CAV1: variants seen among roughly 807,000 people sequenced by gnomAD.
The protein encoded by CAV1 is caveolin 1.
A neutral mutation model predicts 16.5 loss-of-function variants in CAV1; 10 were observed. That is an observed-to-expected ratio of 0.61 (90% CI 0.37 to 1.03). The LOEUF is 1.03. Ranked by LOEUF, CAV1 falls within the 50% of genes least tolerant of loss-of-function variation. The pLI, the probability that CAV1 is intolerant of heterozygous loss-of-function variation, is 0.01. For synonymous variants in CAV1, 76 were observed against 85.1 expected (o/e 0.89, Z 0.59); for missense variants, 212 against 232.8 (o/e 0.91, Z 0.58).
chr7:116,526,856 C>A, intron 2 of CAV1, 167 bp downstream of exon 2: 2 of 724,346 alleles, frequency 2.8e-6, no homozygotes, highest in Non-Finnish European at 4.7e-6. Context: ...GGAGCTCCCG[C>A]AGTCGGCAGA....
At position 116,555,560 on chromosome 7, in the gene CAV1, GAA is replaced by G. The variant is rs564106615; in HGVS notation, c.196-3384_196-3383del. On this transcript the variant is annotated intron_variant, in intron 2 of 2. Coordinates refer to ENST00000341049, the MANE Select transcript of CAV1 (RefSeq NM_001753.5). ...AGAGAGAGAGAAAGAAAGAAAGAAA[GAA>G]AGAAAGAAAGAAAGAAAGAAAGAAA... Among the ~76,000 whole-genome samples the G allele has an allele frequency of 3.1e-3, 141 of 46,052 alleles. 7 individuals are homozygous for G. Among genetic ancestry groups the G allele is most frequent in the African/African-American group, 6.8e-3 (79 of 11,596 alleles). The allele number at this position is 46,052 out of a possible 152,430, so 30.2% of individuals were successfully genotyped here.
At chr7:116,539,375 A>C (rs1037960045) in intron 2 of CAV1, among the ~76,000 whole-genome samples, 3 of 152,100 alleles carry the variant, frequency 2.0e-5, no homozygotes, top group African/African-American at 7.2e-5. Flanking sequence ...CCAGTGCCCC[A>C]TGCAGAGTCA....
intron 2 of CAV1, among the ~76,000 whole-genome samples, chr7:116,533,591 A>C (rs1338483174): frequency 6.6e-6 from 1 of 152,066 alleles, no homozygotes; most frequent in Non-Finnish European, 1.5e-5. Context: ...AACTGGGACC[A>C]CAGGGATGTG....
intron 1 of CAV1, 71 bp downstream of exon 1, chr7:116,525,163 A>G (rs978555912): frequency 6.2e-7 from 1 of 1,613,830 alleles, no homozygotes; most frequent in African/African-American, 1.3e-5. Context: ...GCCTCTCCAA[A>G]TATCCCGACT....
chr7:116,537,011 A>G (rs1169084564), intron 2 of CAV1, among the ~76,000 whole-genome samples: 6 of 131,988 alleles, frequency 4.5e-5, no homozygotes, highest in South Asian at 4.4e-4. Context: ...CTCCGTCTCA[A>G]AAAAAAAAAA....
At chr7:116,558,920 C>T (rs753476612) in intron 2 of CAV1, 26 bp from the exon 3 acceptor site, 6 of 1,523,974 alleles carry the variant, frequency 3.9e-6, no homozygotes, top group Admixed American at 3.4e-5. Context: ...ATTCTGTGCT[C>T]ATGTTGTGTC....
chr7:116,526,005 G>A (rs1793549762), intron 1 of CAV1: 1 of 239,430 alleles, frequency 4.2e-6, no homozygotes, highest in Non-Finnish European at 6.8e-6. Flanking sequence ...ACATTCCACG[G>A]GTCGGGCGGC....
intron 2 of CAV1, among the ~76,000 whole-genome samples, chr7:116,535,949 C>T (rs1450240462): frequency 6.6e-6 from 1 of 152,112 alleles, no homozygotes; most frequent in African/African-American, 2.4e-5. Context: ...TATCTCATAG[C>T]AATTTAAAGG....
intron 2 of CAV1, among the ~76,000 whole-genome samples, chr7:116,529,254 A>G (rs1793634730): frequency 2.0e-5 from 3 of 152,214 alleles, no homozygotes; most frequent in African/African-American, 7.2e-5. Flanking sequence ...CCAGTGGCCA[A>G]TGGAATCTAC....
intron 2 of CAV1, among the ~76,000 whole-genome samples, chr7:116,531,500 A>G (rs1432058339): frequency 1.3e-5 from 2 of 152,252 alleles, no homozygotes; most frequent in Non-Finnish European, 2.9e-5. Context: ...AAAGCATTCT[A>G]GAGCAATTGG....
At chr7:116,525,663 A>C (rs1584765784) in intron 1 of CAV1, 1 of 1,087,806 alleles carries the variant, frequency 9.2e-7, no homozygotes, top group Non-Finnish European at 1.1e-6. Context: ...CCCTCCCCAA[A>C]CTGCCACCAT....
intron 2 of CAV1, among the ~76,000 whole-genome samples, chr7:116,546,697 C>CAAAAAA (rs5886830): frequency 6.8e-5 from 6 of 88,404 alleles, no homozygotes; most frequent in Admixed American, 2.2e-4. Flanking sequence ...GACTCTGTCA[C>CAAAAAA]AAAAAAAAAA....
intron 2 of CAV1, among the ~76,000 whole-genome samples, chr7:116,540,704 CA>C (rs1267679441): frequency 2.6e-5 from 4 of 152,048 alleles, no homozygotes; most frequent in African/African-American, 9.7e-5. Flanking sequence ...GTGACTTAGA[CA>C]AATTACAATA....
chr7:116,558,754 A>G (rs948858598), intron 2 of CAV1, among the ~76,000 whole-genome samples, 192 bp from the exon 3 acceptor site: 4 of 152,248 alleles, frequency 2.6e-5, no homozygotes, highest in Middle Eastern at 3.4e-3. Flanking sequence ...CCCTGTCTCA[A>G]AAAAATAAAA....
Position 116,558,973 on chromosome 7 carries a change from C to T in CAV1, c.223C>T (p.Pro75Ser), listed in dbSNP as rs777911380. Residue 75 changes from proline to serine, a missense_variant, in exon 3 of 3, where the codon CCA (proline) becomes TCA (serine). Physicochemically the swap from Pro to Ser is moderately conservative, Grantham distance 74. Transcript: ENST00000341049. The stretch of plus-strand genomic sequence containing the variant: ...TGACTTTGAAGATGTGATTGCAGAA[C>T]CAGAAGGGACACACAGTTTTGACGG... ...KIDFEDVIAE[P>S]EGTHSFDGIW... 6.2e-7 allele frequency: 1 copy of T among 1,613,582 alleles called. No homozygotes were observed. Among genetic ancestry groups the T allele is most frequent in the Non-Finnish European group, 8.5e-7 (1 of 1,179,702 alleles).
At position 116,529,604 on chromosome 7, in the gene CAV1, C is replaced by T. The variant is rs183543950; in HGVS notation, c.195+2915C>T. 1.3e-5 allele frequency among the ~76,000 whole-genome samples: 2 copies of T among 152,170 alleles called. 1 individual carries two copies. The highest frequency in any genetic ancestry group is 1.3e-4 in the Admixed American group (2 of 15,286). Reference sequence around the variant, plus strand: ...AAACTCTAGAGAAGAAATGAAACCCCAGTTTCATTTCTGGAGAGGAAAGAA... The same window carrying T: ...AAACTCTAGAGAAGAAATGAAACCCTAGTTTCATTTCTGGAGAGGAAAGAA... On this transcript the variant is annotated intron_variant, in intron 2 of 2. Transcript: ENST00000341049.
intron 2 of CAV1, among the ~76,000 whole-genome samples, chr7:116,533,357 TA>T (rs1164307061): frequency 3.5e-4 from 3 of 8,512 alleles, no homozygotes; most frequent in East Asian, 9.6e-3. Flanking sequence ...ATAAATAAAA[TA>T]AAATAAAATA....
Position 116,556,710 on chromosome 7 carries a change from G to A in CAV1, c.196-2236G>A, listed in dbSNP as rs192518199. Among the ~76,000 whole-genome samples, 25 of 152,152 alleles carry A rather than the reference G, an allele frequency of 1.6e-4. No individual in the cohort carries two copies. In the East Asian group the frequency reaches 3.3e-3, roughly 20 times the overall value. On this transcript the variant is annotated intron_variant, in intron 2 of 2. Transcript: ENST00000341049. ...AAAGAGGTAGGAATCCTCTGCTCCC[G>A]GTAAATTGCTTCCTAACCTTCTTTG... is the stretch of plus-strand genomic sequence containing the variant.
At chr7:116,544,443 A>C (rs1394678936) in intron 2 of CAV1, among the ~76,000 whole-genome samples, 1 of 152,142 alleles carries the variant, frequency 6.6e-6, no homozygotes, top group Non-Finnish European at 1.5e-5. Context: ...CTAGTATCAG[A>C]AATAATAACC....
Sources: allele counts gnomAD v4.1 joint callset (sites outside exome capture counted in the v4.1 genomes callset), GRCh38; gene constraint gnomAD v4.1.1; transcripts MANE v1.5; gene names NCBI Gene and HGNC (gene_info 2026-07-23, HGNC 2026-07-21).